The following IKBKE variants were observed in gnomAD, a reference collection of about 807,000 sequenced individuals.
IKBKE encodes the protein inhibitor of nuclear factor kappa-B kinase subunit epsilon.
Under a neutral mutation model 92.1 loss-of-function variants are expected in IKBKE, and 45 were observed. The observed-to-expected ratio is 0.49, with a 90% CI of 0.38 to 0.63. IKBKE has a LOEUF of 0.63. Ranked by LOEUF, IKBKE falls within the 20% of genes least tolerant of loss-of-function variation. The probability of loss-of-function intolerance (pLI) is 0.00; values close to 1 mark genes in which losing one functional copy is unlikely to be tolerated. For missense variants in IKBKE, 700 were observed against 932.8 expected, an observed-to-expected ratio of 0.75 and a Z score of 3.25; for synonymous variants, 374 against 380.3, an observed-to-expected ratio of 0.98 and a Z score of 0.19.
In IKBKE at chr1:206,479,043, G is replaced by A. The variant is rs781784265; in HGVS notation, c.1093G>A (p.Val365Ile). The stretch of plus-strand genomic sequence containing the variant: ...TCACCTCTGTGTCCTCGAGCCCAGC[G>A]TCTCAGCACAGCACATCGCCCACAC... ...EGHLCVLEPS[V>I]SAQHIAHTTA... is the part of the protein sequence containing the mutation. The change falls in exon 10 of 22, where the codon GTC (valine) becomes ATC (isoleucine). Residue 365 changes from valine to isoleucine, a missense_variant. Coordinates refer to ENST00000581977, the MANE Select transcript of IKBKE (RefSeq NM_014002.4). 118 of 1,613,812 alleles carry A rather than the reference G, an allele frequency of 7.3e-5. 1 individual carries two copies. The highest frequency in any genetic ancestry group is 3.3e-4 in the Middle Eastern group (2 of 6,084).
In IKBKE at chr1:206,480,205, G is replaced by T. The variant is rs1665299288; in HGVS notation, c.1340+92G>T. The T allele has an allele frequency of 2.3e-5, 9 of 393,312 alleles. No individual in the cohort carries two copies. In the Admixed American group the frequency reaches 3.6e-4, roughly 16 times the overall value. The allele number at this position is 393,312 out of a possible 1,614,324, so 24.4% of individuals were successfully genotyped here. On this transcript the variant is annotated intron_variant, in intron 12 of 21. Coordinates refer to ENST00000581977, the MANE Select transcript of IKBKE (RefSeq NM_014002.4). ...GAGTGGGCAGGAAGGGGAGATGGGT[G>T]GGGGGTGGGCAGGAAGTGGAGGTGA...
At chr1:206,488,796 C>G (rs1314167616) in intron 16 of IKBKE, among the ~76,000 whole-genome samples, 1 of 152,110 alleles carries the variant, frequency 6.6e-6, no homozygotes, top group Non-Finnish European at 1.5e-5. Context: ...AAATATAATG[C>G]CAGACACGTA....
chr1:206,493,182 G>T, intron 19 of IKBKE, 63 bp downstream of exon 19: 1 of 1,557,078 alleles, frequency 6.4e-7, no homozygotes, highest in Non-Finnish European at 8.8e-7. Flanking sequence ...TGTTACCCAT[G>T]TCTTCCCCTC....
Position 206,475,170 on chromosome 1 carries a change from CA to C in IKBKE, c.358+180del, listed in dbSNP as rs1410953857. 10 of 640,502 alleles carry C rather than the reference CA, an allele frequency of 1.6e-5. No homozygotes were observed. In the African/African-American group the frequency reaches 1.8e-4, roughly 12 times the overall value. The allele number at this position is 640,502 out of a possible 1,614,324, so 39.7% of individuals were successfully genotyped here. On this transcript the variant is annotated intron_variant, in intron 5 of 21. Transcript: ENST00000581977. ...TCACAGCAGCATTATTTACAATAGC[CA>C]AAAGGTGGAAACATCCTAACTGTGA...
chr1:206,482,963 A>T (rs1364473811), intron 13 of IKBKE, among the ~76,000 whole-genome samples: 1 of 152,200 alleles, frequency 6.6e-6, no homozygotes, highest in African/African-American at 2.4e-5. Flanking sequence ...CCTCTCCCCC[A>T]GTGTGCATAT....
At position 206,478,910 on chromosome 1, in the gene IKBKE, CT is replaced by C; in HGVS notation, c.993-32del. 5.0e-6 allele frequency: 8 copies of C among 1,599,138 alleles called. No homozygotes were observed. Among genetic ancestry groups the C allele is most frequent in the Non-Finnish European group, 6.9e-6 (8 of 1,166,716 alleles). ...CCCCTGCCTTGCCTACTGACACCCC[CT>C]GCCCTCTGCTCCCCACCACGGCTGT... On this transcript the variant is annotated intron_variant, in intron 9 of 21. Transcript: ENST00000581977. This position sits in a 1 kb window ranked among gnomAD's most constrained non-coding sequence, Gnocchi z 4.8.
intron 20 of IKBKE, 45 bp from the exon 21 acceptor site, chr1:206,493,875 G>T (rs144552072): frequency 6.4e-7 from 1 of 1,558,290 alleles, no homozygotes. Flanking sequence ...TCTGGGCAGG[G>T]CAACTTCCAG....
rs1553386325 is a variant in IKBKE, at chr1:206,479,127, A to G, written c.1177A>G (p.Arg393Gly). 1.3e-6 allele frequency: 2 copies of G among 1,595,824 alleles called. No individual in the cohort carries two copies. The highest frequency in any genetic ancestry group is 3.4e-5 in the Admixed American group (2 of 58,972). Residue 393 changes from arginine to glycine, a missense_variant, in exon 10 of 22, where the codon AGG (arginine) becomes GGG (glycine). By Grantham distance (125) the Arg-to-Gly change is moderately radical. Transcript: ENST00000581977. ...STAIPKGLAFRDPALDVPKFV... is the reference protein window; with the variant it reads ...STAIPKGLAFGDPALDVPKFV... ...AGCCATCCCTAAGGGGCTGGCCTTC[A>G]GGGACCGTGAGTAGAGCCACCTGGG...
chr1:206,489,345 A>G lies in IKBKE; in HGVS notation c.1693+1355A>G, dbSNP rs12116618. Among the ~76,000 whole-genome samples the G allele has an allele frequency of 1.1e-3, 132 of 119,762 alleles. No homozygotes were observed. In the Middle Eastern group the frequency reaches 0.013, roughly 12 times the overall value. The allele number at this position is 119,762 out of a possible 152,430, so 78.6% of individuals were successfully genotyped here. On this transcript the variant is annotated intron_variant, in intron 16 of 21. Coordinates refer to ENST00000581977, the MANE Select transcript of IKBKE (RefSeq NM_014002.4). ...AACTAAATTTTATATATGTGTGTAT[A>G]TGTGTGTGTGTGTGTGTGTGTGTGT...
intron 21 of IKBKE, among the ~76,000 whole-genome samples, chr1:206,495,817 G>A (rs954377818): frequency 7.2e-5 from 11 of 152,134 alleles, no homozygotes; most frequent in African/African-American, 1.9e-4. Context: ...CCTAAACCTT[G>A]GCTACACACT....
rs782699409 is a variant in IKBKE at position 206,496,078 on chromosome 1, G to T, written c.2118-34G>T. ...GTGTGGTCTGCAGGCCTCTCCAACAGGTGGGCACTGCTAGCCTGTACCTTT... is the reference window on the plus strand; with the variant it reads ...GTGTGGTCTGCAGGCCTCTCCAACATGTGGGCACTGCTAGCCTGTACCTTT... On this transcript the variant is annotated intron_variant, in intron 21 of 21. Transcript: ENST00000581977. 7 of 1,600,404 alleles carry T rather than the reference G, an allele frequency of 4.4e-6. No homozygotes were observed. The Admixed American group carries it at 1.2e-4, about 27-fold the overall frequency.
At chr1:206,473,960 C>CAAA (rs58205740) in intron 3 of IKBKE, among the ~76,000 whole-genome samples, 42 of 62,170 alleles carry the variant, frequency 6.8e-4, no homozygotes, top group East Asian at 2.5e-3. Flanking sequence ...GGCTCCGTCT[C>CAAA]AAAAAAAAAA....
rs1432636430 is a variant in IKBKE at position 206,490,058 on chromosome 1, C to T, written c.1694-761C>T. Reference sequence around the variant, plus strand: ...CGAAGTGAAATCACTCGCCTAGTGCCGCCTGCCAACAGGAGGAAGGGCTGA... The same window carrying T: ...CGAAGTGAAATCACTCGCCTAGTGCTGCCTGCCAACAGGAGGAAGGGCTGA... On this transcript the variant is annotated intron_variant, in intron 16 of 21. Coordinates refer to ENST00000581977, the MANE Select transcript of IKBKE (RefSeq NM_014002.4). The surrounding 1 kb of genome is among the most constrained non-coding windows in gnomAD (Gnocchi z 5.2). Among the ~76,000 whole-genome samples the T allele has an allele frequency of 6.6e-5, 10 of 152,160 alleles. No homozygotes were observed. The highest frequency in any genetic ancestry group is 5.9e-5 in the Non-Finnish European group (4 of 68,028).
intron 17 of IKBKE, chr1:206,491,315 C>T: frequency 2.7e-6 from 1 of 367,918 alleles, no homozygotes; most frequent in African/African-American, 2.1e-5. Flanking sequence ...TTGTCTCACA[C>T]ACACACGCAC....
At chr1:206,484,783 T>A (rs1238704099) in intron 13 of IKBKE, among the ~76,000 whole-genome samples, 27 of 152,140 alleles carry the variant, frequency 1.8e-4, no homozygotes, top group African/African-American at 4.3e-4. Context: ...CAACCTTTAT[T>A]ATTTGCAATA....
chr1:206,471,731 G>T (rs1487829307), intron 2 of IKBKE, among the ~76,000 whole-genome samples: 1 of 152,178 alleles, frequency 6.6e-6, no homozygotes, highest in African/African-American at 2.4e-5. Flanking sequence ...TGTAATGTCC[G>T]CTCCTACCTG....
chr1:206,493,196 C>A (rs41258064), intron 19 of IKBKE, 70 bp from the exon 20 acceptor site: 42,523 of 1,553,640 alleles, frequency 0.027, 1,906 homozygotes, highest in African/African-American at 0.19. Flanking sequence ...TCCCCTCCTC[C>A]AGCACTCCCC....
rs1572240285 is a variant in IKBKE, at chr1:206,476,360, C to T, written c.538C>T (p.Leu180=). 1 of 1,605,488 alleles carries T rather than the reference C, an allele frequency of 6.2e-7. No homozygotes were observed. Among genetic ancestry groups the T allele is most frequent in the South Asian group, 1.1e-5 (1 of 90,132 alleles). The change falls in exon 6 of 22, where the codon CTG becomes TTG. Residue 180 remains leucine (L), a splice_region_variant and synonymous_variant. Transcript: ENST00000581977. The surrounding 1 kb of genome is among the most constrained non-coding windows in gnomAD (Gnocchi z 5.1). ...CTCGGTCTATGGGACTGAGGAGTAC[C>T]TGGTGGGTGAGCTGCTCGAGACCCG... ...FVSVYGTEEY[L]HPDMYERAVL...
chr1:206,492,702 T>C (rs971352163), intron 18 of IKBKE: 1 of 533,570 alleles, frequency 1.9e-6, no homozygotes, highest in African/African-American at 1.9e-5. Context: ...GTGTGGGCTA[T>C]CCTCTGCCTC....
Sources: gnomAD v4.1 joint callset for allele counts (sites outside exome capture counted in the v4.1 genomes callset) on GRCh38, gnomAD v4.1.1 for gene constraint, Gnocchi (gnomAD v3.1) non-coding constraint, MANE v1.5 for transcripts, NCBI Gene and HGNC (gene_info 2026-07-23, HGNC 2026-07-21) for gene names.